The following MEF2C variants were observed in gnomAD, a reference collection of about 807,000 sequenced individuals.
MEF2C encodes the protein myocyte-specific enhancer factor 2C.
In MEF2C, 6 loss-of-function variants were observed where a neutral mutation model predicts 50.5. That is an observed-to-expected ratio of 0.12 (90% CI 0.07 to 0.23). The LOEUF (loss-of-function observed/expected upper bound fraction) is 0.23. Ranked by LOEUF, MEF2C falls within the 10% of genes least tolerant of loss-of-function variation. MEF2C has a pLI of 1.00. For missense variants in MEF2C, 276 were observed against 605.0 expected (o/e 0.46, Z 5.70); for synonymous variants, 183 against 228.0 (o/e 0.80, Z 1.78).
intron 2 of MEF2C, among the ~76,000 whole-genome samples, chr5:88,822,852 T>G (rs1017807793): frequency 6.6e-6 from 1 of 151,930 alleles, no homozygotes; most frequent in Admixed American, 6.6e-5. Flanking sequence ...TCTCTGCAGG[T>G]TCCATGATCC....
At chr5:88,872,471 G>A (rs966358457) in intron 1 of MEF2C, among the ~76,000 whole-genome samples, 2 of 151,906 alleles carry the variant, frequency 1.3e-5, no homozygotes, top group South Asian at 2.1e-4. Context: ...ATTGACCCAC[G>A]ACTGTGTAAG....
intron 2 of MEF2C, among the ~76,000 whole-genome samples, chr5:88,810,570 T>A (rs1190547743): frequency 6.6e-6 from 1 of 152,134 alleles, no homozygotes; most frequent in Non-Finnish European, 1.5e-5. Context: ...GAGTTCAGAT[T>A]TTCAAAGAAT....
Position 88,720,330 on chromosome 5 carries a change from TGATA to T in MEF2C, c.*2270_*2273del, listed in dbSNP as rs1216285222. The T allele has an allele frequency of 1.9e-5, 2 of 107,426 alleles. No individual in the cohort carries two copies. The highest frequency in any genetic ancestry group is 4.2e-5 in the Non-Finnish European group (2 of 47,846). 6.7% of individuals were successfully genotyped at this position (107,426 alleles called of 1,614,324 possible). On this transcript the variant is annotated 3_prime_UTR_variant, in exon 11 of 11. Transcript: ENST00000504921. ...AGTAGTGGGATATATATGAAATGGT[TGATA>T]GATTTTTTTTTTTTAATATATAAAA...
intron 1 of MEF2C, among the ~76,000 whole-genome samples, chr5:88,881,484 A>G (rs991164037): frequency 6.6e-6 from 1 of 152,240 alleles, no homozygotes; most frequent in Non-Finnish European, 1.5e-5. Context: ...GAATGTTTTT[A>G]AAGACTAGCC....
At chr5:88,773,151 T>C (rs1783154473) in intron 3 of MEF2C, among the ~76,000 whole-genome samples, 1 of 152,248 alleles carries the variant, frequency 6.6e-6, no homozygotes, top group South Asian at 2.1e-4. Flanking sequence ...TTCACCTCTG[T>C]ATCCACAGCA....
At chr5:88,859,883 A>G (rs1374328028) in intron 1 of MEF2C, among the ~76,000 whole-genome samples, 1 of 152,248 alleles carries the variant, frequency 6.6e-6, no homozygotes, top group Non-Finnish European at 1.5e-5. Context: ...CAGAACAAAC[A>G]CATTGGATAC....
intron 1 of MEF2C, among the ~76,000 whole-genome samples, chr5:88,876,063 GTTTTTTTTT>G (rs33921751): frequency 1.6e-5 from 2 of 122,634 alleles, no homozygotes; most frequent in Non-Finnish European, 3.4e-5. Flanking sequence ...AGTAACTGGA[GTTTTTTTTT>G]TTTTTTTTTT....
intron 1 of MEF2C, 21 bp from the exon 2 acceptor site, chr5:88,823,951 A>T (rs1809691460): frequency 6.9e-7 from 1 of 1,442,758 alleles, no homozygotes; most frequent in Non-Finnish European, 9.1e-7. Flanking sequence ...AAGAAAAATT[A>T]AATACCACTC....
intron 2 of MEF2C, among the ~76,000 whole-genome samples, chr5:88,818,613 T>C (rs1264351265): frequency 6.6e-6 from 1 of 151,978 alleles, no homozygotes; most frequent in Admixed American, 6.6e-5. Flanking sequence ...CTTCTCCCCA[T>C]CCTTGTCATA....
At chr5:88,726,673 G>A (rs887078621) in intron 10 of MEF2C, among the ~76,000 whole-genome samples, 1 of 152,100 alleles carries the variant, frequency 6.6e-6, no homozygotes, top group Non-Finnish European at 1.5e-5. Flanking sequence ...GAAAGGAACC[G>A]GGAGCTGAAC....
At chr5:88,903,767 C>T (rs1343091070) in intron 1 of MEF2C, 1 of 152,082 alleles carries the variant, frequency 6.6e-6, no homozygotes, top group Non-Finnish European at 1.5e-5. Context: ...TTTACTTTCA[C>T]ACAAGGCAAA....
intron 1 of MEF2C, among the ~76,000 whole-genome samples, chr5:88,861,563 G>A (rs1258707950): frequency 6.6e-6 from 1 of 152,116 alleles, no homozygotes; most frequent in African/African-American, 2.4e-5. Flanking sequence ...AAATTCATAT[G>A]GACAACCTGA....
At chr5:88,776,541 G>A (rs1784845158) in intron 3 of MEF2C, among the ~76,000 whole-genome samples, 1 of 151,978 alleles carries the variant, frequency 6.6e-6, no homozygotes, top group Non-Finnish European at 1.5e-5. Context: ...CCGGCCTCCA[G>A]TAACCGTCAT....
intron 1 of MEF2C, among the ~76,000 whole-genome samples, chr5:88,902,440 G>C (rs1036496202): frequency 6.6e-6 from 1 of 151,702 alleles, no homozygotes. Context: ...TAAAATGTTT[G>C]TGGGTAACGT....
chr5:88,857,032 C>T (rs568624296), intron 1 of MEF2C, among the ~76,000 whole-genome samples: 179 of 152,360 alleles, frequency 1.2e-3, no homozygotes, highest in Non-Finnish European at 2.0e-3. Context: ...TCAATGCCAG[C>T]CTGAGAAAGC....
intron 4 of MEF2C, among the ~76,000 whole-genome samples, chr5:88,753,526 G>C (rs1773828512): frequency 6.6e-6 from 1 of 152,112 alleles, no homozygotes; most frequent in African/African-American, 2.4e-5. Flanking sequence ...CTCCCAAGCA[G>C]TGGTTGGCAT....
At chr5:88,821,061 A>T (rs780220974) in intron 2 of MEF2C, among the ~76,000 whole-genome samples, 2 of 152,000 alleles carry the variant, frequency 1.3e-5, no homozygotes, top group African/African-American at 4.8e-5. Flanking sequence ...CTAAATTCTA[A>T]AGAATAAAAT....
intron 1 of MEF2C, among the ~76,000 whole-genome samples, chr5:88,851,818 T>C (rs970832416): frequency 2.0e-5 from 3 of 152,146 alleles, no homozygotes; most frequent in African/African-American, 7.2e-5. Context: ...TACTGGAAAT[T>C]ATAAAATGTA....
At chr5:88,896,548 A>G (rs992328880) in intron 1 of MEF2C, among the ~76,000 whole-genome samples, 2 of 152,226 alleles carry the variant, frequency 1.3e-5, no homozygotes, top group South Asian at 2.1e-4. Flanking sequence ...CAGATAAAGC[A>G]TCTTCCTATG....
Sources: allele counts gnomAD v4.1 joint callset (sites outside exome capture counted in the v4.1 genomes callset), GRCh38; gene constraint gnomAD v4.1.1; transcripts MANE v1.5; gene names NCBI Gene and HGNC (gene_info 2026-07-23, HGNC 2026-07-21).